Variants in MED12L observed in about 807,000 individuals in gnomAD.
MED12L encodes the protein mediator complex subunit 12L.
A neutral mutation model predicts 281.3 loss-of-function variants in MED12L; 60 were observed. The ratio of observed to expected loss-of-function variants is 0.21; its 90% CI spans 0.17 to 0.26. MED12L has a LOEUF of 0.26. MED12L is among the 10% of genes least tolerant of loss of function. The pLI is 1.00. For synonymous variants in MED12L, 974 were observed against 987.2 expected (o/e 0.99, Z 0.25); for missense variants, 2,146 against 2,680.9 (o/e 0.80, Z 4.41).
At chr3:151,129,564 T>G (rs1224937962) in intron 5 of MED12L, among the ~76,000 whole-genome samples, 1 of 152,114 alleles carries the variant, frequency 6.6e-6, no homozygotes, top group Non-Finnish European at 1.5e-5. Context: ...AGTAATACAT[T>G]TTCATTACAA....
intron 16 of MED12L, among the ~76,000 whole-genome samples, chr3:151,321,419 C>T (rs1165353567): frequency 6.6e-6 from 1 of 151,974 alleles, no homozygotes; most frequent in Non-Finnish European, 1.5e-5. Context: ...TTAGGAAACT[C>T]AGTTGTACAG....
chr3:151,391,729 T>A (rs1418139041), intron 38 of MED12L, among the ~76,000 whole-genome samples: 1 of 152,344 alleles, frequency 6.6e-6, no homozygotes, highest in East Asian at 1.9e-4. Context: ...CAGACTTGCT[T>A]ATATCTTACT....
At chr3:151,332,695 G>A (rs550823259) in intron 16 of MED12L, among the ~76,000 whole-genome samples, 1 of 151,914 alleles carries the variant, frequency 6.6e-6, no homozygotes, top group South Asian at 2.1e-4. Context: ...TTTATGTATT[G>A]GATTTTTGTT....
intron 16 of MED12L, among the ~76,000 whole-genome samples, chr3:151,295,732 T>C (rs1185693529): frequency 6.6e-6 from 1 of 152,220 alleles, no homozygotes; most frequent in East Asian, 1.9e-4. Context: ...ATTTTTTGCC[T>C]GTGACTTTCT....
At position 151,358,979 on chromosome 3, in the gene MED12L, C is replaced by A. The variant is rs1483289239; in HGVS notation, c.2826-1495C>A. On this transcript the variant is annotated intron_variant, in intron 20 of 44. Coordinates refer to ENST00000687756, the MANE Select transcript of MED12L (RefSeq NM_001393769.1). ...GAACAGATTTATTACAGGTTTATTA[C>A]AAAGGTATATTGCTTGGTGCTGAGG... is the stretch of plus-strand genomic sequence containing the variant. Among the ~76,000 whole-genome samples, 3 of 152,116 alleles carry A rather than the reference C, an allele frequency of 2.0e-5. No individual in the cohort carries two copies. The East Asian group carries it at 5.8e-4, about 29-fold the overall frequency.
At chr3:151,354,948 G>T (rs561514159) in intron 17 of MED12L, among the ~76,000 whole-genome samples, 173 bp from the exon 18 acceptor site, 3 of 152,224 alleles carry the variant, frequency 2.0e-5, no homozygotes, top group Non-Finnish European at 4.4e-5. Context: ...GAGTTTCTGA[G>T]ATTCCATTCT....
chr3:151,086,195 C>A (rs1321805626), intron 1 of MED12L, among the ~76,000 whole-genome samples: 1 of 152,178 alleles, frequency 6.6e-6, no homozygotes, highest in African/African-American at 2.4e-5. Flanking sequence ...CCGAGGGGAC[C>A]GTAGCTGCGG....
At chr3:151,420,553 C>G (rs540430376) in intron 43 of MED12L, among the ~76,000 whole-genome samples, 6 of 152,252 alleles carry the variant, frequency 3.9e-5, no homozygotes, top group Admixed American at 2.0e-4. Context: ...ATGGGAGAAA[C>G]AGTACTATAT....
intron 16 of MED12L, chr3:151,214,023 G>T (rs1286275607): frequency 1.2e-6 from 2 of 1,614,034 alleles, no homozygotes; most frequent in African/African-American, 1.3e-5. Flanking sequence ...AGAAGAGCAC[G>T]GCAGAGACCC....
intron 16 of MED12L, among the ~76,000 whole-genome samples, chr3:151,306,678 G>A (rs1746706118): frequency 6.6e-6 from 1 of 152,204 alleles, no homozygotes; most frequent in African/African-American, 2.4e-5. Context: ...CCACGCCGGG[G>A]GAAACTCTGT....
intron 16 of MED12L, among the ~76,000 whole-genome samples, chr3:151,317,261 C>A (rs1345294988): frequency 6.6e-6 from 1 of 151,184 alleles, no homozygotes; most frequent in Non-Finnish European, 1.5e-5. Flanking sequence ...CATATTTTTA[C>A]ACATACACAA....
chr3:151,428,788 T>C (rs1719139590), intron 43 of MED12L, among the ~76,000 whole-genome samples: 1 of 152,244 alleles, frequency 6.6e-6, no homozygotes, highest in African/African-American at 2.4e-5. Context: ...AATAACACTT[T>C]AGTGTATATC....
At chr3:151,313,471 G>A (rs1312070997) in intron 16 of MED12L, among the ~76,000 whole-genome samples, 2 of 152,038 alleles carry the variant, frequency 1.3e-5, no homozygotes, top group Non-Finnish European at 2.9e-5. Flanking sequence ...CTACTGTTAT[G>A]CTTGTTAAGC....
At chr3:151,183,714 A>G (rs1224259079) in intron 11 of MED12L, among the ~76,000 whole-genome samples, 2 of 152,256 alleles carry the variant, frequency 1.3e-5, no homozygotes, top group African/African-American at 2.4e-5. Flanking sequence ...CTAATTTCAC[A>G]TAGATATTAA....
chr3:151,308,721 C>T (rs1452808928), intron 16 of MED12L, among the ~76,000 whole-genome samples: 7 of 152,030 alleles, frequency 4.6e-5, no homozygotes, highest in East Asian at 1.9e-4. Flanking sequence ...GTGGTGGTGG[C>T]GTCACCTTGA....
chr3:151,130,011 C>G (rs1231187655), intron 5 of MED12L, among the ~76,000 whole-genome samples: 1 of 152,114 alleles, frequency 6.6e-6, no homozygotes, highest in African/African-American at 2.4e-5. Context: ...TCAAGTGATC[C>G]TCTCACCTGC....
chr3:151,243,493 G>A (rs1373426962), intron 16 of MED12L, among the ~76,000 whole-genome samples: 5 of 152,040 alleles, frequency 3.3e-5, no homozygotes, highest in South Asian at 4.2e-4. Context: ...TTTTCAACCT[G>A]GAATTTCATA....
Position 151,163,854 on chromosome 3 carries a change from C to A in MED12L, c.1108-39C>A, listed in dbSNP as rs764659971. On this transcript the variant is annotated intron_variant, in intron 8 of 44. Coordinates refer to ENST00000687756, the MANE Select transcript of MED12L (RefSeq NM_001393769.1). ...GTTTAGCTATTGTTATGCTTTTCTC[C>A]TTCCTCTGAACATCCAACTTTATCT... The A allele has an allele frequency of 4.4e-6, 7 of 1,592,020 alleles. No homozygotes were observed. In the East Asian group the frequency reaches 1.4e-4, roughly 31 times the overall value.
intron 16 of MED12L, among the ~76,000 whole-genome samples, chr3:151,237,283 C>T (rs1733041402): frequency 6.7e-6 from 1 of 149,712 alleles, no homozygotes; most frequent in Non-Finnish European, 1.5e-5. Flanking sequence ...TGTGATCCAC[C>T]TGCCTCAGCC....
Sources: gnomAD v4.1 joint callset for allele counts (sites outside exome capture counted in the v4.1 genomes callset) on GRCh38, gnomAD v4.1.1 for gene constraint, MANE v1.5 for transcripts, NCBI Gene and HGNC (gene_info 2026-07-23, HGNC 2026-07-21) for gene names.